The following TRABD2B variants were observed in gnomAD, a reference collection of about 807,000 sequenced individuals.
The protein encoded by TRABD2B is TraB domain containing 2B, also known as metalloprotease TIKI2.
Under a neutral mutation model 40.1 loss-of-function variants are expected in TRABD2B, and 14 were observed. That is an observed-to-expected ratio of 0.35 (90% CI 0.23 to 0.55). The LOEUF (loss-of-function observed/expected upper bound fraction) is 0.55, where lower values mean the gene tolerates loss of function less well. Among genes scored for constraint, TRABD2B ranks in the 20% least tolerant of loss-of-function variants. The pLI is 0.90. For missense variants in TRABD2B, 541 were observed against 648.6 expected, an observed-to-expected ratio of 0.83 and a Z score of 1.80; for synonymous variants, 263 against 277.0, an observed-to-expected ratio of 0.95 and a Z score of 0.50.
At chr1:47,983,379 G>A (rs1645869406) in intron 2 of TRABD2B, among the ~76,000 whole-genome samples, 1 of 152,208 alleles carries the variant, frequency 6.6e-6, no homozygotes, top group South Asian at 2.1e-4. Context: ...TAACTACTGG[G>A]TACCGGGCTT....
intron 4 of TRABD2B, among the ~76,000 whole-genome samples, chr1:47,786,250 C>T (rs970585896): frequency 1.9e-4 from 29 of 152,068 alleles, no homozygotes; most frequent in Non-Finnish European, 3.8e-4. Flanking sequence ...TGGGTCCAAG[C>T]CCATGCTTTT....
rs1644996186 is a variant in TRABD2B, at chr1:47,813,813, C to T, written c.667-12194G>A. On this transcript the variant is annotated intron_variant, in intron 2 of 6. Coordinates refer to ENST00000606738, the MANE Select transcript of TRABD2B (RefSeq NM_001194986.2). This position sits in a 1 kb window ranked among gnomAD's most constrained non-coding sequence, Gnocchi z 4.3. Reference sequence around the variant, plus strand: ...TGCATATGTGGATGAGATTTCCGTTCTCTCTTCAGTCTTCAGTATGGACTA... The same window carrying T: ...TGCATATGTGGATGAGATTTCCGTTTTCTCTTCAGTCTTCAGTATGGACTA... Among the ~76,000 whole-genome samples the T allele has an allele frequency of 6.6e-6, 1 of 152,194 alleles. No homozygotes were observed. Among genetic ancestry groups the T allele is most frequent in the African/African-American group, 2.4e-5 (1 of 41,446 alleles).
intron 2 of TRABD2B, among the ~76,000 whole-genome samples, chr1:47,871,495 A>C (rs1644140091): frequency 6.6e-6 from 1 of 152,218 alleles, no homozygotes; most frequent in Non-Finnish European, 1.5e-5. Context: ...GAACAGAATG[A>C]CTTGGAGCCC....
chr1:47,824,313 TG>T (rs1000325533), intron 2 of TRABD2B, among the ~76,000 whole-genome samples: 76 of 152,244 alleles, frequency 5.0e-4, no homozygotes, highest in African/African-American at 1.7e-3. Context: ...GAGGCAGGTC[TG>T]GGGGGAATCT....
At chr1:47,889,096 C>T (rs921580060) in intron 2 of TRABD2B, among the ~76,000 whole-genome samples, 4 of 152,190 alleles carry the variant, frequency 2.6e-5, no homozygotes, top group African/African-American at 7.2e-5. Flanking sequence ...CTCTCTTCTT[C>T]ACCACTGAAA....
In TRABD2B at chr1:47,813,575, CTCTTT is replaced by C. The variant is rs1489878613; in HGVS notation, c.667-11961_667-11957del. Among the ~76,000 whole-genome samples, 1 of 152,150 alleles carries C rather than the reference CTCTTT, an allele frequency of 6.6e-6. No homozygotes were observed. On this transcript the variant is annotated intron_variant, in intron 2 of 6. Transcript: ENST00000606738. The surrounding 1 kb of genome is among the most constrained non-coding windows in gnomAD (Gnocchi z 4.3). ...GCTCTTTGGGGCAGACTCTTCTCTT[CTCTTT>C]GCTGCGTCTCAGCTTACCCATCTGC...
At chr1:47,769,118 C>T (rs563628470) in intron 6 of TRABD2B, among the ~76,000 whole-genome samples, 6 of 152,340 alleles carry the variant, frequency 3.9e-5, no homozygotes, top group South Asian at 2.1e-4. Flanking sequence ...GTGCCTGTGC[C>T]GGGCAGGGAT....
intron 2 of TRABD2B, among the ~76,000 whole-genome samples, chr1:47,838,712 C>T (rs536227394): frequency 3.5e-4 from 54 of 152,280 alleles, no homozygotes; most frequent in African/African-American, 1.2e-3. Flanking sequence ...ACATGGCTAT[C>T]GACTGATGCA....
At chr1:47,801,738 G>T in intron 2 of TRABD2B, 119 bp from the exon 3 acceptor site, 1 of 1,276,764 alleles carries the variant, frequency 7.8e-7, no homozygotes, top group Non-Finnish European at 1.1e-6. Flanking sequence ...GAAGGTGTGT[G>T]GGGCTGGCAC....
chr1:47,915,128 G>A (rs1209198793), intron 2 of TRABD2B, among the ~76,000 whole-genome samples: 2 of 152,248 alleles, frequency 1.3e-5, no homozygotes, highest in Non-Finnish European at 2.9e-5. Context: ...CACAGTAGGG[G>A]TGCAGTTAGC....
At chr1:47,801,962 C>T (rs911187703) in intron 2 of TRABD2B, among the ~76,000 whole-genome samples, 7 of 152,170 alleles carry the variant, frequency 4.6e-5, no homozygotes, top group African/African-American at 1.7e-4. Flanking sequence ...CTTTGTGTTC[C>T]TGTGCTTAAA....
chr1:47,840,326 C>T (rs1645379675), intron 2 of TRABD2B, among the ~76,000 whole-genome samples: 1 of 152,210 alleles, frequency 6.6e-6, no homozygotes, highest in Non-Finnish European at 1.5e-5. Context: ...TCATCCTTTC[C>T]ATTTCCAGCA....
In TRABD2B at chr1:47,997,313, GGGC is replaced by G; in HGVS notation, c.-527_-525del. On this transcript the variant is annotated 5_prime_UTR_variant, in exon 1 of 7. Coordinates refer to ENST00000606738, the MANE Select transcript of TRABD2B (RefSeq NM_001194986.2). Reference sequence around the variant, plus strand: ...GGCTGCCCCCGAGCCCGGCTCAGAGGGGCGGCGGGCGGCCGCGCGGCCGCTGCC... The same window carrying G: ...GGCTGCCCCCGAGCCCGGCTCAGAGGGGCGGGCGGCCGCGCGGCCGCTGCC... 1 of 706,154 alleles carries G rather than the reference GGGC, an allele frequency of 1.4e-6. No individual in the cohort carries two copies. The highest frequency in any genetic ancestry group is 1.7e-6 in the Non-Finnish European group (1 of 577,380). 43.7% of individuals were successfully genotyped at this position (706,154 alleles called of 1,614,324 possible). A position where few individuals can be genotyped will look rare whatever the true frequency, so the allele number is the denominator to read the frequency against.
chr1:47,817,192 G>A (rs1645045231), intron 2 of TRABD2B, among the ~76,000 whole-genome samples: 1 of 152,028 alleles, frequency 6.6e-6, no homozygotes, highest in Non-Finnish European at 1.5e-5. Flanking sequence ...GCCTCCAGAG[G>A]CCATGTTTTC....
Position 47,996,799 on chromosome 1 carries a change from G to A in TRABD2B, c.-10C>T, listed in dbSNP as rs1406332108. The A allele has an allele frequency of 2.5e-6, 3 of 1,191,340 alleles. No individual in the cohort carries two copies. The highest frequency in any genetic ancestry group is 3.1e-6 in the Non-Finnish European group (3 of 961,768). 73.8% of individuals were successfully genotyped at this position (1,191,340 alleles called of 1,614,324 possible). ...CCAGGGCGGCGTGCATCCTGCCAGGGCCCGCGGGGCGCGGGGGACCCTCCT... is the reference window on the plus strand; with the variant it reads ...CCAGGGCGGCGTGCATCCTGCCAGGACCCGCGGGGCGCGGGGGACCCTCCT... On this transcript the variant is annotated 5_prime_UTR_variant, in exon 1 of 7. Coordinates refer to ENST00000606738, the MANE Select transcript of TRABD2B (RefSeq NM_001194986.2). This position sits in a 1 kb window ranked among gnomAD's most constrained non-coding sequence, Gnocchi z 4.6.
chr1:47,914,590 C>T (rs886195564), intron 2 of TRABD2B, among the ~76,000 whole-genome samples: 1 of 152,222 alleles, frequency 6.6e-6, no homozygotes, highest in Non-Finnish European at 1.5e-5. Flanking sequence ...AGTGCTGGTA[C>T]ACAAGGAGTG....
intron 2 of TRABD2B, among the ~76,000 whole-genome samples, chr1:47,832,928 T>C (rs547741438): frequency 6.6e-6 from 1 of 152,296 alleles, no homozygotes; most frequent in South Asian, 2.1e-4. Flanking sequence ...ACCCTCCACC[T>C]GGCTGTCACA....
intron 2 of TRABD2B, among the ~76,000 whole-genome samples, chr1:47,824,652 T>C (rs1424820265): frequency 1.3e-5 from 2 of 152,192 alleles, no homozygotes; most frequent in African/African-American, 4.8e-5. Flanking sequence ...AAGACCTTTG[T>C]GGGAGAGAGG....
At chr1:47,883,977 T>C (rs1644339239) in intron 2 of TRABD2B, among the ~76,000 whole-genome samples, 1 of 152,228 alleles carries the variant, frequency 6.6e-6, no homozygotes, top group South Asian at 2.1e-4. Context: ...TTGGAAAGGA[T>C]GATTGTGCTT....
Sources: allele counts gnomAD v4.1 joint callset (sites outside exome capture counted in the v4.1 genomes callset), GRCh38; gene constraint gnomAD v4.1.1; non-coding constraint Gnocchi (gnomAD v3.1); transcripts MANE v1.5; gene names NCBI Gene and HGNC (gene_info 2026-07-23, HGNC 2026-07-21).